Variants in ADAMTS12 observed in about 807,000 individuals in gnomAD.
ADAMTS12 encodes A disintegrin and metalloproteinase with thrombospondin motifs 12.
In ADAMTS12, 118 loss-of-function variants were observed where a neutral mutation model predicts 167.8. That is an observed-to-expected ratio of 0.70 (90% CI 0.61 to 0.82). The LOEUF (loss-of-function observed/expected upper bound fraction) is 0.82. ADAMTS12 is among the 40% of genes least tolerant of loss of function. The probability of loss-of-function intolerance (pLI) is 0.00; values close to 1 mark genes in which losing one functional copy is unlikely to be tolerated. For missense variants in ADAMTS12, 1,916 were observed against 1,998.8 expected (o/e 0.96, Z 0.79); for synonymous variants, 704 against 716.9 (o/e 0.98, Z 0.29).
intron 16 of ADAMTS12, among the ~76,000 whole-genome samples, chr5:33,612,104 C>T (rs1738755544): frequency 6.6e-6 from 1 of 152,216 alleles, no homozygotes; most frequent in South Asian, 2.1e-4. Flanking sequence ...GCATTTCATT[C>T]TCTATGTTTG....
In ADAMTS12 at chr5:33,868,558, G is replaced by A. The variant is rs187286037; in HGVS notation, c.489+12561C>T. Among the ~76,000 whole-genome samples the A allele has an allele frequency of 9.8e-5, 15 of 152,296 alleles. No individual in the cohort carries two copies. The East Asian group carries it at 2.5e-3, about 25-fold the overall frequency. On this transcript the variant is annotated intron_variant, in intron 2 of 23. Transcript: ENST00000504830. ...GAGATCTATGGGACTTTGAACTTGA[G>A]AGTAATGATTTAGAGTATCTGGTGG...
chr5:33,672,034 C>T lies in ADAMTS12; in HGVS notation c.916-9994G>A, dbSNP rs555409249. Among the ~76,000 whole-genome samples the T allele has an allele frequency of 7.3e-5, 11 of 151,208 alleles. No homozygotes were observed. The East Asian group carries it at 1.4e-3, about 19-fold the overall frequency. On this transcript the variant is annotated intron_variant, in intron 5 of 23. Transcript: ENST00000504830. ...ACACACACATCCACATACATACACA[C>T]ACCCACATACTCACATACACACTCA... is the stretch of plus-strand genomic sequence containing the variant.
intron 14 of ADAMTS12, among the ~76,000 whole-genome samples, chr5:33,619,093 G>A (rs911073241): frequency 1.3e-5 from 2 of 152,152 alleles, no homozygotes; most frequent in African/African-American, 4.8e-5. Context: ...GTAGCCAGGG[G>A]CATTGTTCAA....
At chr5:33,808,789 T>C (rs1747334794) in intron 2 of ADAMTS12, among the ~76,000 whole-genome samples, 1 of 152,214 alleles carries the variant, frequency 6.6e-6, no homozygotes, top group Non-Finnish European at 1.5e-5. Context: ...ATGAAGAAAC[T>C]GAGGCCCAAG....
chr5:33,527,501 C>A lies in ADAMTS12; in HGVS notation c.4607-135G>T, dbSNP rs1743880574. On this transcript the variant is annotated intron_variant, in intron 23 of 23. Transcript: ENST00000504830. ...CATAACAATTCATAATAGGTGGTAT[C>A]TACTGAATGTTTATTATGTATCAGA... is the stretch of plus-strand genomic sequence containing the variant. 3 of 821,718 alleles carry A rather than the reference C, an allele frequency of 3.7e-6. No homozygotes were observed. In the East Asian group the frequency reaches 8.1e-5, roughly 22 times the overall value. 50.9% of individuals were successfully genotyped at this position (821,718 alleles called of 1,614,324 possible). A position where few individuals can be genotyped will look rare whatever the true frequency, so the allele number is the denominator to read the frequency against.
chr5:33,759,062 CT>C (rs1356137983), intron 2 of ADAMTS12, among the ~76,000 whole-genome samples: 1 of 152,172 alleles, frequency 6.6e-6, no homozygotes, highest in Admixed American at 6.5e-5. Flanking sequence ...ATCAATTTCT[CT>C]TTTTTCCTTT....
At chr5:33,544,597 C>T (rs1744870253) in intron 22 of ADAMTS12, among the ~76,000 whole-genome samples, 1 of 152,164 alleles carries the variant, frequency 6.6e-6, no homozygotes, top group South Asian at 2.1e-4. Context: ...CATCATACTA[C>T]CTGACTTCAA....
intron 21 of ADAMTS12, among the ~76,000 whole-genome samples, chr5:33,547,335 C>T (rs1344094363): frequency 6.6e-6 from 1 of 152,126 alleles, no homozygotes; most frequent in African/African-American, 2.4e-5. Flanking sequence ...CTGAATTGGC[C>T]ATTCTCGGGG....
chr5:33,844,314 C>A (rs368228417), intron 2 of ADAMTS12, among the ~76,000 whole-genome samples: 2 of 152,128 alleles, frequency 1.3e-5, no homozygotes, highest in Admixed American at 1.3e-4. Context: ...GTGAGCCAGG[C>A]GGAACAGAGC....
At chr5:33,620,328 T>A (rs1328830911) in intron 14 of ADAMTS12, among the ~76,000 whole-genome samples, 1 of 152,238 alleles carries the variant, frequency 6.6e-6, no homozygotes, top group Non-Finnish European at 1.5e-5. Flanking sequence ...TCCCATGGTG[T>A]TATTCAAGGT....
chr5:33,846,737 A>C, intron 2 of ADAMTS12, among the ~76,000 whole-genome samples: 1 of 152,174 alleles, frequency 6.6e-6, no homozygotes, highest in South Asian at 2.1e-4. Flanking sequence ...CCTAACGAAT[A>C]CTTGTTAATA....
chr5:33,793,950 C>A (rs1018889533), intron 2 of ADAMTS12, among the ~76,000 whole-genome samples: 2 of 152,168 alleles, frequency 1.3e-5, no homozygotes, highest in African/African-American at 4.8e-5. Context: ...GGCTTCTCGC[C>A]GCTTTCAAAT....
At chr5:33,696,907 T>C (rs945093945) in intron 3 of ADAMTS12, among the ~76,000 whole-genome samples, 26 of 152,224 alleles carry the variant, frequency 1.7e-4, no homozygotes, top group African/African-American at 6.3e-4. Flanking sequence ...CAATGTGAAA[T>C]GCTGTTCTCC....
At chr5:33,570,318 A>G (rs1317418438) in intron 19 of ADAMTS12, among the ~76,000 whole-genome samples, 1 of 152,238 alleles carries the variant, frequency 6.6e-6, no homozygotes, top group Non-Finnish European at 1.5e-5. Flanking sequence ...GTTGAAATGA[A>G]GGAAAAAATG....
intron 1 of ADAMTS12, among the ~76,000 whole-genome samples, chr5:33,883,930 G>A (rs772290975): frequency 2.6e-5 from 4 of 152,134 alleles, no homozygotes; most frequent in African/African-American, 4.8e-5. Context: ...TGGGTGAGGC[G>A]GATGCAGTCA....
intron 9 of ADAMTS12, among the ~76,000 whole-genome samples, chr5:33,643,980 T>C (rs529579010): frequency 1.4e-3 from 209 of 152,254 alleles, no homozygotes; most frequent in Non-Finnish European, 2.3e-3. Flanking sequence ...GAGAGCTGCA[T>C]ATTCCTTCTT....
At chr5:33,586,327 T>C (rs1747350575) in intron 18 of ADAMTS12, among the ~76,000 whole-genome samples, 1 of 152,202 alleles carries the variant, frequency 6.6e-6, no homozygotes, top group Admixed American at 6.5e-5. Context: ...GGAAGACCCA[T>C]TTGATGAATA....
rs1740998310 is a variant in ADAMTS12 at position 33,654,919 on chromosome 5, G to A, written c.1190+3265C>T. 2.7e-5 allele frequency among the ~76,000 whole-genome samples: 3 copies of A among 109,514 alleles called. No homozygotes were observed. In the South Asian group the frequency reaches 1.2e-3, roughly 44 times the overall value. 71.8% of individuals were successfully genotyped at this position (109,514 alleles called of 152,430 possible). A position where few individuals can be genotyped will look rare whatever the true frequency, so the allele number is the denominator to read the frequency against. On this transcript the variant is annotated intron_variant, in intron 7 of 23. Transcript: ENST00000504830. Reference sequence around the variant, plus strand: ...GTGTGTGTGTGTGTGTGTATTTCCAGGTTGTTGCCATCATCAGTTCCAAGT... The same window carrying A: ...GTGTGTGTGTGTGTGTGTATTTCCAAGTTGTTGCCATCATCAGTTCCAAGT...
intron 22 of ADAMTS12, among the ~76,000 whole-genome samples, chr5:33,536,875 A>G (rs1051388181): frequency 4.6e-5 from 7 of 152,250 alleles, no homozygotes; most frequent in African/African-American, 1.7e-4. Context: ...TTCACATTGT[A>G]TCACATTTTC....
Sources: gnomAD v4.1 joint callset for allele counts (sites outside exome capture counted in the v4.1 genomes callset) on GRCh38, gnomAD v4.1.1 for gene constraint, MANE v1.5 for transcripts, NCBI Gene and HGNC (gene_info 2026-07-23, HGNC 2026-07-21) for gene names.